IL1RAPL2: variants seen among roughly 807,000 people sequenced by gnomAD.
IL1RAPL2 encodes the protein interleukin 1 receptor accessory protein like 2, also known as X-linked interleukin-1 receptor accessory protein-like 2.
A neutral mutation model predicts 44.1 loss-of-function variants in IL1RAPL2; 3 were observed. That is an observed-to-expected ratio of 0.07 (90% CI 0.03 to 0.18). IL1RAPL2 has a LOEUF of 0.18. Among genes scored for constraint, IL1RAPL2 ranks in the 10% least tolerant of loss-of-function variants. IL1RAPL2 has a pLI of 1.00. For missense variants in IL1RAPL2, 391 were observed against 496.4 expected (o/e 0.79, Z 2.02); for synonymous variants, 181 against 178.8 (o/e 1.01, Z -0.10).
rs748409640 is a variant in IL1RAPL2, at chrX:105,717,579, A to G, written c.902+83A>G. The G allele has an allele frequency of 1.0e-4, 96 of 952,272 alleles. No individual in the cohort carries two copies. The East Asian group carries it at 3.1e-3, about 31-fold the overall frequency. The allele number at this position is 952,272 out of a possible 1,213,427, so 78.5% of individuals were successfully genotyped here. On this transcript the variant is annotated intron_variant, in intron 7 of 10. Coordinates refer to ENST00000372582, the MANE Select transcript of IL1RAPL2 (RefSeq NM_017416.2). The stretch of plus-strand genomic sequence containing the variant: ...TTTAATTGCAACTCCAAATCATTCC[A>G]TTCTCTAAAAGCTGATCTTATGGAG...
At chrX:104,931,997 T>TATATATATATATA (rs1491095072) in intron 2 of IL1RAPL2, among the ~76,000 whole-genome samples, 12 of 23,472 alleles carry the variant, frequency 5.1e-4, no homozygotes, top group African/African-American at 2.1e-3. Context: ...TATATATATA[T>TATATATATATATA]TTTTTTTTTT....
intron 5 of IL1RAPL2, among the ~76,000 whole-genome samples, chrX:105,410,437 A>T (rs1358147702): frequency 9.1e-6 from 1 of 109,857 alleles, no homozygotes; most frequent in African/African-American, 3.3e-5. Context: ...AATGAGGATG[A>T]GAGCTGAGAA....
intron 2 of IL1RAPL2, among the ~76,000 whole-genome samples, chrX:104,890,942 T>C (rs1351674605): frequency 8.9e-6 from 1 of 112,209 alleles, no homozygotes; most frequent in Non-Finnish European, 1.9e-5. Context: ...GTCTAACATT[T>C]AATTCTTTAC....
chrX:104,647,301 C>T (rs1252189234), intron 1 of IL1RAPL2: 19 of 432,380 alleles, frequency 4.4e-5, no homozygotes, highest in African/African-American at 1.2e-4. Context: ...TCGATCAGGC[C>T]GTCCCCTGCG....
intron 6 of IL1RAPL2, among the ~76,000 whole-genome samples, chrX:105,632,150 G>A (rs767407309): frequency 3.6e-5 from 4 of 110,458 alleles, no homozygotes; most frequent in Non-Finnish European, 5.7e-5. Context: ...AGAAGACACC[G>A]GACCCTGACC....
At chrX:105,346,733 C>G (rs1031537578) in intron 5 of IL1RAPL2, among the ~76,000 whole-genome samples, 4 of 111,772 alleles carry the variant, frequency 3.6e-5, no homozygotes, top group African/African-American at 1.3e-4. Context: ...AAGATGCAGC[C>G]TAGCCTCTGA....
chrX:105,752,921 G>C, intron 9 of IL1RAPL2: 1 of 328,225 alleles, frequency 3.0e-6, no homozygotes, highest in Non-Finnish European at 5.9e-6. Flanking sequence ...CATCTTAAAG[G>C]GACACGAATG....
rs182822102 is a variant in IL1RAPL2 at position 105,043,614 on chromosome X, A to G, written c.83-151861A>G. On this transcript the variant is annotated intron_variant, in intron 2 of 10. Transcript: ENST00000372582. ...TTGCTTTGACATAATAATCCAAACA[A>G]TTTCTCCCAAGATCCTTACAATGTG... Among the ~76,000 whole-genome samples, 9 of 110,365 alleles carry G rather than the reference A, an allele frequency of 8.2e-5. No homozygotes were observed. The East Asian group carries it at 1.7e-3, about 21-fold the overall frequency.
At chrX:104,862,405 G>T (rs776378820) in intron 2 of IL1RAPL2, among the ~76,000 whole-genome samples, 30 of 110,081 alleles carry the variant, frequency 2.7e-4, no homozygotes, top group Admixed American at 4.9e-4. Context: ...AGCCTTCAAA[G>T]AAGTGATTAA....
intron 2 of IL1RAPL2, among the ~76,000 whole-genome samples, chrX:104,803,501 C>T (rs1356907113): frequency 1.8e-5 from 2 of 112,250 alleles, no homozygotes; most frequent in African/African-American, 6.5e-5. Flanking sequence ...TGGGCAGGAA[C>T]ATATTTTTCC....
At chrX:104,574,605 C>T (rs1928211401) in intron 1 of IL1RAPL2, among the ~76,000 whole-genome samples, 1 of 111,920 alleles carries the variant, frequency 8.9e-6, no homozygotes, top group Non-Finnish European at 1.9e-5. Context: ...CAAGGATGTT[C>T]ATTAATGTTT....
At chrX:104,574,100 G>A (rs1479613776) in intron 1 of IL1RAPL2, among the ~76,000 whole-genome samples, 1 of 111,083 alleles carries the variant, frequency 9.0e-6, no homozygotes, top group African/African-American at 3.3e-5. Flanking sequence ...GATGGAGAAG[G>A]TTTTTCTAAT....
chrX:104,983,579 A>G (rs1286783578), intron 2 of IL1RAPL2, among the ~76,000 whole-genome samples: 1 of 73,526 alleles, frequency 1.4e-5, no homozygotes, highest in Non-Finnish European at 2.8e-5. Flanking sequence ...TATTATAGAC[A>G]TAATATATAA....
At chrX:105,480,444 A>G (rs1286031749) in intron 5 of IL1RAPL2, among the ~76,000 whole-genome samples, 1 of 112,307 alleles carries the variant, frequency 8.9e-6, no homozygotes, top group African/African-American at 3.2e-5. Flanking sequence ...ACAGTAGAGC[A>G]ATTATATTTA....
chrX:105,219,441 A>G, intron 3 of IL1RAPL2: 2 of 1,209,376 alleles, frequency 1.7e-6, no homozygotes, highest in Non-Finnish European at 2.2e-6. Flanking sequence ...CCTGATCAGC[A>G]TCTCCAAGGA....
Position 105,448,825 on chromosome X carries a change from T to C in IL1RAPL2, c.698-35488T>C, listed in dbSNP as rs1021860400. Among the ~76,000 whole-genome samples the C allele has an allele frequency of 6.3e-5, 7 of 111,306 alleles. No individual in the cohort carries two copies. In the South Asian group the frequency reaches 1.9e-3, roughly 30 times the overall value. On this transcript the variant is annotated intron_variant, in intron 5 of 10. Coordinates refer to ENST00000372582, the MANE Select transcript of IL1RAPL2 (RefSeq NM_017416.2). ...TTCTTCTGCTTGATCAGTCCTGCTA[T>C]TAAAAGATTCTGATGCATTCTTCAG... is the stretch of plus-strand genomic sequence containing the variant.
chrX:104,632,565 G>T (rs757244924), intron 1 of IL1RAPL2, among the ~76,000 whole-genome samples: 378 of 108,332 alleles, frequency 3.5e-3, no homozygotes, highest in African/African-American at 0.012. Context: ...CACATCCCTT[G>T]TAAGTTGGAT....
At chrX:105,169,515 T>G (rs2033404548) in intron 2 of IL1RAPL2, among the ~76,000 whole-genome samples, 1 of 80,522 alleles carries the variant, frequency 1.2e-5, no homozygotes, top group Non-Finnish European at 2.3e-5. Flanking sequence ...TTTTTTTTTT[T>G]TTTTTTTGAG....
chrX:105,375,468 G>A (rs1312316720), intron 5 of IL1RAPL2, among the ~76,000 whole-genome samples: 1 of 111,667 alleles, frequency 9.0e-6, no homozygotes, highest in Non-Finnish European at 1.9e-5. Flanking sequence ...CCGAGATTGC[G>A]CCACTGCACT....
Sources: allele counts gnomAD v4.1 joint callset (sites outside exome capture counted in the v4.1 genomes callset), GRCh38; gene constraint gnomAD v4.1.1; transcripts MANE v1.5; gene names NCBI Gene and HGNC (gene_info 2026-07-23, HGNC 2026-07-21).